The following INPP4B variants were observed in gnomAD, a reference collection of about 807,000 sequenced individuals.
INPP4B encodes the protein inositol polyphosphate-4-phosphatase type II B, also known as inositol polyphosphate 4-phosphatase type II.
INPP4B carries 55 observed loss-of-function variants against 122.5 expected under a neutral mutation model. That is an observed-to-expected ratio of 0.45 (90% confidence interval 0.36 to 0.56). The LOEUF (loss-of-function observed/expected upper bound fraction) is 0.56. INPP4B is among the 20% of genes least tolerant of loss of function. The probability of loss-of-function intolerance (pLI) is 0.00; values close to 1 mark genes in which losing one functional copy is unlikely to be tolerated. For missense variants in INPP4B, 1,000 were observed against 1,097.7 expected, an observed-to-expected ratio of 0.91 and a Z score of 1.26; for synonymous variants, 403 against 388.7, an observed-to-expected ratio of 1.04 and a Z score of -0.43.
At chr4:142,174,493 T>C (rs918764746) in intron 15 of INPP4B, among the ~76,000 whole-genome samples, 1 of 152,124 alleles carries the variant, frequency 6.6e-6, no homozygotes, top group African/African-American at 2.4e-5. Flanking sequence ...TGGACAAATT[T>C]ATTGGACAGA....
intron 16 of INPP4B, among the ~76,000 whole-genome samples, chr4:142,171,311 C>A (rs766978402): frequency 1.4e-4 from 21 of 151,754 alleles, no homozygotes; most frequent in Non-Finnish European, 2.7e-4. Context: ...TCCTTAATGT[C>A]TTGAATATGC....
chr4:142,214,740 A>G (rs1354074346), intron 12 of INPP4B, among the ~76,000 whole-genome samples: 1 of 152,068 alleles, frequency 6.6e-6, no homozygotes, highest in Non-Finnish European at 1.5e-5. Context: ...TTTAGTAGAG[A>G]TGGGGTTTCA....
rs1349877077 is a variant in INPP4B at position 142,035,128 on chromosome 4, A to ACATCAGCACGAGGAGGCAGG, written c.2643-6234_2643-6215dup. Among the ~76,000 whole-genome samples the ACATCAGCACGAGGAGGCAGG allele has an allele frequency of 7.2e-5, 11 of 152,268 alleles. No individual in the cohort carries two copies. In the East Asian group the frequency reaches 1.7e-3, roughly 24 times the overall value. ...GCACAGGAGGATTTGTCTGAGGCTC[A>ACATCAGCACGAGGAGGCAGG]CATCAGCACGAGGAGGCAGGCCAGC... On this transcript the variant is annotated intron_variant, in intron 25 of 25. Coordinates refer to ENST00000262992, the MANE Select transcript of INPP4B (RefSeq NM_001101669.3).
chr4:142,407,894 C>T (rs1203088482), intron 5 of INPP4B, among the ~76,000 whole-genome samples: 4 of 150,174 alleles, frequency 2.7e-5, no homozygotes, highest in African/African-American at 9.8e-5. Flanking sequence ...CTTTTCTATG[C>T]AAAAAAAAAG....
chr4:142,747,862 G>C (rs1769010878), intron 1 of INPP4B, among the ~76,000 whole-genome samples: 1 of 141,142 alleles, frequency 7.1e-6, no homozygotes, highest in Non-Finnish European at 1.6e-5. Flanking sequence ...ACATACCAGG[G>C]CCTGTCAAGG....
intron 7 of INPP4B, among the ~76,000 whole-genome samples, chr4:142,360,034 G>C (rs966062981): frequency 6.6e-6 from 1 of 151,854 alleles, no homozygotes; most frequent in Non-Finnish European, 1.5e-5. Flanking sequence ...ATATGTTTTT[G>C]AGTTAAATTT....
chr4:142,215,403 A>T (rs1846686964), intron 12 of INPP4B, among the ~76,000 whole-genome samples: 1 of 152,244 alleles, frequency 6.6e-6, no homozygotes, highest in South Asian at 2.1e-4. Context: ...TTACAGAATT[A>T]CATTTGTAAA....
intron 1 of INPP4B, among the ~76,000 whole-genome samples, chr4:142,826,117 C>G (rs563673631): frequency 2.6e-5 from 4 of 152,170 alleles, no homozygotes; most frequent in South Asian, 2.1e-4. Context: ...TCAACAAATT[C>G]ATCCATGAAA....
At chr4:142,076,900 A>C (rs547552670) in intron 25 of INPP4B, among the ~76,000 whole-genome samples, 1 of 152,218 alleles carries the variant, frequency 6.6e-6, no homozygotes, top group South Asian at 2.1e-4. Context: ...CTCAAGTGGA[A>C]ACAAGACTAA....
chr4:142,043,747 T>C (rs761075086), intron 25 of INPP4B, among the ~76,000 whole-genome samples: 45 of 152,194 alleles, frequency 3.0e-4, no homozygotes, highest in Non-Finnish European at 5.7e-4. Context: ...TGAGGCTATG[T>C]TGTAAATGTT....
Position 142,024,485 on chromosome 4 carries a change from A to C in INPP4B, c.*4297T>G, listed in dbSNP as rs928357442. 3 of 152,146 alleles carry C rather than the reference A, an allele frequency of 2.0e-5. No homozygotes were observed. The highest frequency in any genetic ancestry group is 4.4e-5 in the Non-Finnish European group (3 of 68,014). The allele number at this position is 152,146 out of a possible 1,614,324, so 9.4% of individuals were successfully genotyped here. On this transcript the variant is annotated 3_prime_UTR_variant, in exon 26 of 26. Transcript: ENST00000262992. ...CCTTCCCTCTGTAACTGATGATCAC[A>C]GTTTTTTTAGACAAGTTTCCTAAAT... is the stretch of plus-strand genomic sequence containing the variant.
chr4:142,405,118 T>TGGGGGG (rs368527003), intron 6 of INPP4B, 88 bp downstream of exon 6: 20 of 531,930 alleles, frequency 3.8e-5, no homozygotes, highest in South Asian at 1.3e-4. Flanking sequence ...GGGGCGGGGG[T>TGGGGGG]GGGGGGGAGG....
At chr4:142,763,648 C>T (rs1032862118) in intron 1 of INPP4B, among the ~76,000 whole-genome samples, 1 of 151,968 alleles carries the variant, frequency 6.6e-6, no homozygotes, top group African/African-American at 2.4e-5. Flanking sequence ...TTCTAAAGAA[C>T]AAATAAATAA....
At chr4:142,525,280 G>T (rs1459295071) in intron 2 of INPP4B, among the ~76,000 whole-genome samples, 1 of 151,308 alleles carries the variant, frequency 6.6e-6, no homozygotes. Flanking sequence ...TCATGGGTAG[G>T]AAGAATCAAT....
chr4:142,617,251 A>T (rs1580514583), intron 2 of INPP4B, among the ~76,000 whole-genome samples: 1 of 152,048 alleles, frequency 6.6e-6, no homozygotes, highest in Admixed American at 6.6e-5. Context: ...CTACAGCCGC[A>T]CTATTTCTAT....
intron 2 of INPP4B, among the ~76,000 whole-genome samples, chr4:142,564,786 G>A (rs183723082): frequency 1.5e-3 from 231 of 152,140 alleles, no homozygotes; most frequent in African/African-American, 5.5e-3. Context: ...GTAGGGAATG[G>A]GAGGAGTCCA....
At chr4:142,760,186 T>C (rs1206267010) in intron 1 of INPP4B, among the ~76,000 whole-genome samples, 1 of 152,148 alleles carries the variant, frequency 6.6e-6, no homozygotes, top group Non-Finnish European at 1.5e-5. Flanking sequence ...ATTAAGTAGA[T>C]AGTATCATGG....
At chr4:142,108,646 C>T (rs1788417305) in intron 22 of INPP4B, among the ~76,000 whole-genome samples, 1 of 152,152 alleles carries the variant, frequency 6.6e-6, no homozygotes, top group African/African-American at 2.4e-5. Context: ...GTCTTGCCCA[C>T]ACTATCAACT....
chr4:142,170,455 T>A (rs973667029), intron 16 of INPP4B, among the ~76,000 whole-genome samples: 7 of 151,672 alleles, frequency 4.6e-5, no homozygotes, highest in African/African-American at 1.7e-4. Flanking sequence ...CATATAGCAA[T>A]CTGAAGACAC....
Sources: allele counts gnomAD v4.1 joint callset (sites outside exome capture counted in the v4.1 genomes callset), GRCh38; gene constraint gnomAD v4.1.1; transcripts MANE v1.5; gene names NCBI Gene and HGNC (gene_info 2026-07-23, HGNC 2026-07-21).